The following TTC6 variants were observed in gnomAD, a reference collection of about 807,000 sequenced individuals.
TTC6 encodes the protein tetratricopeptide repeat protein 6.
A neutral mutation model predicts 210.4 loss-of-function variants in TTC6; 172 were observed. The ratio of observed to expected loss-of-function variants is 0.82; its 90% CI spans 0.72 to 0.93. The LOEUF is 0.93. Ranked by LOEUF, TTC6 falls within the 40% of genes least tolerant of loss-of-function variation. The pLI is 0.00. For missense variants in TTC6, 2,414 were observed against 2,318.1 expected, an observed-to-expected ratio of 1.04 and a Z score of -0.85; for synonymous variants, 804 against 819.6, an observed-to-expected ratio of 0.98 and a Z score of 0.32.
At chr14:37,685,789 AGCT>A (rs760046090) in intron 3 of TTC6, among the ~76,000 whole-genome samples, 2 of 152,072 alleles carry the variant, frequency 1.3e-5, no homozygotes, top group Non-Finnish European at 2.9e-5. Context: ...AGCTTTGGGG[AGCT>A]GCTGCAGTGG....
At chr14:37,814,767 TAAA>T (rs2096137634) in intron 25 of TTC6, among the ~76,000 whole-genome samples, 2 of 151,814 alleles carry the variant, frequency 1.3e-5, no homozygotes. Context: ...TTAAAACAAC[TAAA>T]AAAAGATGTG....
intron 14 of TTC6, among the ~76,000 whole-genome samples, chr14:37,783,525 T>A (rs1447585398): frequency 6.6e-6 from 1 of 152,190 alleles, no homozygotes; most frequent in Non-Finnish European, 1.5e-5. Context: ...CTTCCTTTTT[T>A]TCTTTATTAG....
chr14:37,739,158 C>G lies in TTC6; in HGVS notation c.2363+3C>G. ...AAGCCTCCAAAATCTCTTGAAAGGT[C>G]TTGTTTAAGTGATTTTCTTATAGTT... On this transcript the variant is annotated splice_donor_region_variant and intron_variant, in intron 10 of 30. Transcript: ENST00000553443. The G allele has an allele frequency of 6.7e-7, 1 of 1,486,984 alleles. No individual in the cohort carries two copies. The highest frequency in any genetic ancestry group is 8.8e-7 in the Non-Finnish European group (1 of 1,130,338). The allele number at this position is 1,486,984 out of a possible 1,614,324, so 92.1% of individuals were successfully genotyped here.
At chr14:37,707,359 T>C (rs1266432559) in intron 5 of TTC6, among the ~76,000 whole-genome samples, 2 of 152,050 alleles carry the variant, frequency 1.3e-5, no homozygotes, top group Non-Finnish European at 2.9e-5. Context: ...ATTCTACTTA[T>C]TTTGTGCATT....
intron 20 of TTC6, among the ~76,000 whole-genome samples, chr14:37,800,831 T>C (rs952329191): frequency 4.6e-5 from 7 of 152,302 alleles, no homozygotes; most frequent in African/African-American, 1.7e-4. Context: ...AATTTGGACT[T>C]AGACAGAGAG....
intron 14 of TTC6, among the ~76,000 whole-genome samples, chr14:37,760,076 GC>G (rs1007503936): frequency 6.6e-6 from 1 of 152,022 alleles, no homozygotes; most frequent in African/African-American, 2.4e-5. Flanking sequence ...TGGAGAAGAG[GC>G]ATTCTGGTTT....
chr14:37,653,298 T>A (rs1266009252), intron 1 of TTC6, among the ~76,000 whole-genome samples: 1 of 152,236 alleles, frequency 6.6e-6, no homozygotes, highest in Non-Finnish European at 1.5e-5. Context: ...TTATTTGCGA[T>A]GGATCCTGAG....
chr14:37,671,772 C>A (rs746488918), intron 1 of TTC6, among the ~76,000 whole-genome samples: 40 of 152,118 alleles, frequency 2.6e-4, no homozygotes, highest in Middle Eastern at 3.4e-3. Flanking sequence ...TCCAGTAATC[C>A]CTATGTGGTG....
chr14:37,737,836 A>G, intron 9 of TTC6, 102 bp downstream of exon 11: 2 of 601,954 alleles, frequency 3.3e-6, no homozygotes, highest in Non-Finnish European at 2.7e-6. Context: ...TCTATATTAT[A>G]TTCTCTAGTC....
intron 21 of TTC6, among the ~76,000 whole-genome samples, chr14:37,805,108 C>G (rs1276927714): frequency 2.0e-5 from 3 of 152,098 alleles, no homozygotes; most frequent in African/African-American, 7.2e-5. Flanking sequence ...AATTTTATCA[C>G]AGTAGTATGA....
intron 10 of TTC6, among the ~76,000 whole-genome samples, chr14:37,747,284 A>G (rs2095938828): frequency 6.6e-6 from 1 of 152,184 alleles, no homozygotes; most frequent in African/African-American, 2.4e-5. Flanking sequence ...CCCTGGTACT[A>G]ATTACTTTGT....
intron 9 of TTC6, among the ~76,000 whole-genome samples, chr14:37,737,995 T>C (rs543715284): frequency 6.6e-6 from 1 of 151,976 alleles, no homozygotes; most frequent in South Asian, 2.1e-4. Flanking sequence ...TGGGCCAAAA[T>C]TGACTATAAA....
At chr14:37,633,061 C>T (rs1026096660) in intron 1 of TTC6, among the ~76,000 whole-genome samples, 7 of 152,196 alleles carry the variant, frequency 4.6e-5, no homozygotes, top group Admixed American at 1.3e-4. Flanking sequence ...CGCTGGGCTC[C>T]GTGGGGGTGA....
At chr14:37,840,176 G>T (rs1470130557) in intron 29 of TTC6, among the ~76,000 whole-genome samples, 1 of 152,176 alleles carries the variant, frequency 6.6e-6, no homozygotes, top group Non-Finnish European at 1.5e-5. Flanking sequence ...CAATCCCACA[G>T]AAATACAAAC....
chr14:37,615,400 C>A (rs961794377), intron 2 of TTC6, among the ~76,000 whole-genome samples: 2 of 152,044 alleles, frequency 1.3e-5, no homozygotes, highest in African/African-American at 4.8e-5. Flanking sequence ...AATCATTCTC[C>A]TTTTTCCTTG....
At chr14:37,662,840 A>AGCCTT (rs1373415323) in intron 1 of TTC6, among the ~76,000 whole-genome samples, 31 of 146,888 alleles carry the variant, frequency 2.1e-4, no homozygotes, top group East Asian at 6.0e-4. Flanking sequence ...GTTGGGTAGC[A>AGCCTT]ACTTGCTTAG....
At chr14:37,727,633 T>C (rs1286201013) in intron 7 of TTC6, among the ~76,000 whole-genome samples, 1 of 150,450 alleles carries the variant, frequency 6.6e-6, no homozygotes, top group Non-Finnish European at 1.5e-5. Flanking sequence ...TTTCTTCATG[T>C]TTCTTCTTTT....
intron 23 of TTC6, 125 bp from the exon 26 acceptor site, chr14:37,808,608 A>C (rs533795628): frequency 4.0e-6 from 2 of 497,844 alleles, no homozygotes; most frequent in East Asian, 6.8e-5. Flanking sequence ...TTAATTTCAC[A>C]GATGATACAA....
chr14:37,608,279 GTT>G (rs202231352), intron 2 of TTC6, among the ~76,000 whole-genome samples: 2 of 150,814 alleles, frequency 1.3e-5, no homozygotes, highest in Non-Finnish European at 2.9e-5. Flanking sequence ...GCGCTTACAA[GTT>G]TTTTTTGTGT....
Sources: gnomAD v4.1 joint callset for allele counts (sites outside exome capture counted in the v4.1 genomes callset) on GRCh38, gnomAD v4.1.1 for gene constraint, MANE v1.5 for transcripts, NCBI Gene and HGNC (gene_info 2026-07-23, HGNC 2026-07-21) for gene names.